LRP2BP: variants seen among roughly 807,000 people sequenced by gnomAD.
LRP2BP encodes the protein LRP2 binding protein.
In LRP2BP, 38 loss-of-function variants were observed where a neutral mutation model predicts 45.2. The observed-to-expected ratio is 0.84, with a 90% CI of 0.65 to 1.10. The LOEUF is 1.10. LRP2BP is among the 50% of genes least tolerant of loss of function. The probability of loss-of-function intolerance (pLI) is 0.00; values close to 1 mark genes in which losing one functional copy is unlikely to be tolerated. For missense variants in LRP2BP, 385 were observed against 418.9 expected (o/e 0.92, Z 0.71); for synonymous variants, 153 against 153.9 (o/e 0.99, Z 0.04).
At chr4:185,382,848 T>C (rs1246663959) in intron 1 of LRP2BP, among the ~76,000 whole-genome samples, 2 of 152,226 alleles carry the variant, frequency 1.3e-5, no homozygotes, top group Non-Finnish European at 2.9e-5. Flanking sequence ...CTATTTTTTC[T>C]TTTCTTGCCT....
At position 185,367,194 on chromosome 4, in the gene LRP2BP, G is replaced by A. The variant is rs2095390958; in HGVS notation, c.1030C>T (p.Arg344Cys). The change falls in exon 9 of 9, where the codon CGT (arginine) becomes TGT (cysteine). Residue 344 changes from arginine to cysteine, a missense_variant. Arg to Cys is a radical substitution (Grantham distance 180, BLOSUM62 -3). Transcript: ENST00000505916. ...LADELHSLLI[R>C]QRI ...TACATTGTGGTCTAAATTCTTTGAC[G>A]AATAAGTAAGGAGTGAAGTTCATCT... 1.1e-5 allele frequency: 17 copies of A among 1,612,360 alleles called. No individual in the cohort carries two copies. Among genetic ancestry groups the A allele is most frequent in the Non-Finnish European group, 1.4e-5 (16 of 1,178,940 alleles).
intron 1 of LRP2BP, 78 bp from the exon 2 acceptor site, chr4:185,378,285 G>C: frequency 3.3e-6 from 5 of 1,534,532 alleles, no homozygotes; most frequent in Non-Finnish European, 4.4e-6. Context: ...ATTCCCACCA[G>C]GTGCTCATTA....
In LRP2BP at chr4:185,366,164, C is replaced by T. The variant is rs1405563042; in HGVS notation, c.*1016G>A. ...TGTTTCACAAATGAATAGCCTTGTA[C>T]AATCTTATGCATATGGATCTTACTG... On this transcript the variant is annotated 3_prime_UTR_variant, in exon 9 of 9. Transcript: ENST00000505916. The T allele has an allele frequency of 6.6e-6, 1 of 152,210 alleles. No individual in the cohort carries two copies. Among genetic ancestry groups the T allele is most frequent in the Admixed American group, 6.5e-5 (1 of 15,280 alleles). 9.4% of individuals were successfully genotyped at this position (152,210 alleles called of 1,614,324 possible).
intron 1 of LRP2BP, among the ~76,000 whole-genome samples, chr4:185,385,624 C>T (rs1210258118): frequency 6.6e-6 from 1 of 152,178 alleles, no homozygotes; most frequent in Non-Finnish European, 1.5e-5. Flanking sequence ...CATCCCAGGC[C>T]AGGCGCGGTG....
At chr4:185,379,248 A>G (rs2095448115) in intron 1 of LRP2BP, among the ~76,000 whole-genome samples, 1 of 152,228 alleles carries the variant, frequency 6.6e-6, no homozygotes, top group South Asian at 2.1e-4. Flanking sequence ...TTTAGTGAAT[A>G]TGAAATTTCC....
At chr4:185,383,817 G>C (rs2095462513) in intron 1 of LRP2BP, among the ~76,000 whole-genome samples, 1 of 152,184 alleles carries the variant, frequency 6.6e-6, no homozygotes, top group Non-Finnish European at 1.5e-5. Flanking sequence ...CTTCCTTTGG[G>C]ACAAACACTG....
At chr4:185,384,482 A>T (rs539711896) in intron 1 of LRP2BP, among the ~76,000 whole-genome samples, 153 of 152,188 alleles carry the variant, frequency 1.0e-3, no homozygotes, top group African/African-American at 3.6e-3. Context: ...CTGGGTTTTT[A>T]AAATTAATTA....
At chr4:185,385,952 T>G (rs1227985075) in intron 1 of LRP2BP, among the ~76,000 whole-genome samples, 1 of 150,864 alleles carries the variant, frequency 6.6e-6, no homozygotes, top group Non-Finnish European at 1.5e-5. Context: ...ACTGTCAAGC[T>G]CAAGGTGTCT....
intron 8 of LRP2BP, among the ~76,000 whole-genome samples, chr4:185,368,318 C>T (rs374596438): frequency 1.1e-4 from 16 of 152,304 alleles, no homozygotes; most frequent in South Asian, 6.2e-4. Context: ...CCCTGCCTGA[C>T]GGTGGCAGAG....
At chr4:185,379,824 CT>C (rs1230890642) in intron 1 of LRP2BP, among the ~76,000 whole-genome samples, 53 of 152,182 alleles carry the variant, frequency 3.5e-4, no homozygotes, top group African/African-American at 1.2e-3. Flanking sequence ...CTCTCTCTCT[CT>C]CTCTCTCTCT....
At position 185,370,802 on chromosome 4, in the gene LRP2BP, A is replaced by G. The variant is rs780397055; in HGVS notation, c.816T>C (p.Tyr272=). The change falls in exon 8 of 9, where the codon TAT becomes TAC. Residue 272 remains tyrosine, a synonymous_variant. Coordinates refer to ENST00000505916, the MANE Select transcript of LRP2BP (RefSeq NM_001377440.1). ...CVAFSKRIAD[Y]DEVHDIPMIA... The stretch of plus-strand genomic sequence containing the variant: ...TCATGGGGATGTCGTGAACCTCATC[A>G]TAGTCAGCGATCCTGAGAGGATGTA... The G allele has an allele frequency of 6.2e-6, 10 of 1,614,152 alleles. No homozygotes were observed. The highest frequency in any genetic ancestry group is 3.3e-5 in the South Asian group (3 of 91,072).
At chr4:185,389,747 T>C (rs576814471) in intron 1 of LRP2BP, among the ~76,000 whole-genome samples, 1 of 152,296 alleles carries the variant, frequency 6.6e-6, no homozygotes, top group Non-Finnish European at 1.5e-5. Context: ...TCTGCAGTCC[T>C]TACCTTCTTT....
chr4:185,377,076 A>C (rs1302540724), intron 2 of LRP2BP, 58 bp from the exon 3 acceptor site: 5 of 1,200,624 alleles, frequency 4.2e-6, no homozygotes, highest in Non-Finnish European at 4.9e-6. Flanking sequence ...TTCTCTCTTG[A>C]AGTAATGAAT....
chr4:185,376,950 T>C lies in LRP2BP; in HGVS notation c.175A>G (p.Thr59Ala). 2 of 1,613,878 alleles carry C rather than the reference T, an allele frequency of 1.2e-6. No individual in the cohort carries two copies. Among genetic ancestry groups the C allele is most frequent in the Non-Finnish European group, 1.7e-6 (2 of 1,179,800 alleles). The change falls in exon 3 of 9, where the codon ACT (threonine) becomes GCT (alanine). Residue 59 changes from threonine (T) to alanine (A), a missense_variant. Thr to Ala is a moderately conservative substitution (Grantham distance 58). Transcript: ENST00000505916. ...LLKERILKGDTLAYFLRGQLY... is the reference protein window; with the variant it reads ...LLKERILKGDALAYFLRGQLY... ...TGACCTCGTAGGAAATATGCCAGAG[T>C]GTCTCCTTTCAGTATTCTTTCCTTC...
chr4:185,370,674 C>T lies in LRP2BP; in HGVS notation c.944G>A (p.Arg315Lys). ...RCLQLGLGIT[R>K]DETTAKHYYS... Reference sequence around the variant, plus strand: ...ATAGTGTTTAGCGGTTGTTTCATCCCTGGTGATGCCCAAGCCAAGCTGAAG... The same window carrying T: ...ATAGTGTTTAGCGGTTGTTTCATCCTTGGTGATGCCCAAGCCAAGCTGAAG... Residue 315 changes from arginine to lysine, a missense_variant, in exon 8 of 9, where the codon AGG (arginine) becomes AAG (lysine). Coordinates refer to ENST00000505916, the MANE Select transcript of LRP2BP (RefSeq NM_001377440.1). The T allele has an allele frequency of 6.2e-7, 1 of 1,613,964 alleles. No individual in the cohort carries two copies. The highest frequency in any genetic ancestry group is 1.1e-5 in the South Asian group (1 of 91,074).
intron 7 of LRP2BP, among the ~76,000 whole-genome samples, chr4:185,371,356 G>A (rs1015535088): frequency 1.2e-4 from 19 of 152,036 alleles, no homozygotes; most frequent in East Asian, 3.9e-4. Context: ...TGGCTAACAT[G>A]GTGAAACCCC....
intron 3 of LRP2BP, 90 bp downstream of exon 3, chr4:185,376,819 A>G: frequency 1.2e-6 from 1 of 851,348 alleles, no homozygotes; most frequent in Non-Finnish European, 1.9e-6. Context: ...TCCCTAGTAT[A>G]ACACAGTAAG....
At chr4:185,388,436 T>TCTAC (rs535329726) in intron 1 of LRP2BP, among the ~76,000 whole-genome samples, 14 of 16,756 alleles carry the variant, frequency 8.4e-4, no homozygotes, top group East Asian at 2.3e-3. Flanking sequence ...TTACTATCTA[T>TCTAC]CTACCTATCT....
upstream of LRP2BP, chr4:185,396,026 C>CT (rs946265938): frequency 1.5e-5 from 7 of 474,286 alleles, no homozygotes; most frequent in East Asian, 1.1e-3. Flanking sequence ...CGGACAGCGG[C>CT]TTCACCAGCC....
Sources: allele counts gnomAD v4.1 joint callset (sites outside exome capture counted in the v4.1 genomes callset), GRCh38; gene constraint gnomAD v4.1.1; transcripts MANE v1.5; gene names NCBI Gene and HGNC (gene_info 2026-07-23, HGNC 2026-07-21).